The following PCSK5 variants were observed in gnomAD, a reference collection of about 807,000 sequenced individuals.
PCSK5 encodes proprotein convertase subtilisin/kexin type 5, also known as prohormone convertase 5.
A neutral mutation model predicts 233.2 loss-of-function variants in PCSK5; 129 were observed. That is an observed-to-expected ratio of 0.55 (90% CI 0.48 to 0.64). PCSK5 has a LOEUF of 0.64. PCSK5 is among the 30% of genes least tolerant of loss of function. The pLI, the probability that PCSK5 is intolerant of heterozygous loss-of-function variation, is 0.00. For missense variants in PCSK5, 2,076 were observed against 2,430.1 expected (o/e 0.85, Z 3.06); for synonymous variants, 825 against 879.2 (o/e 0.94, Z 1.09).
intron 1 of PCSK5, among the ~76,000 whole-genome samples, chr9:75,928,927 A>ATATTTATT (rs71499119): frequency 0.071 from 10,660 of 149,780 alleles, 477 homozygotes; most frequent in African/African-American, 0.11. Context: ...AAGGATTCTG[A>ATATTTATT]TATTTATTTA....
chr9:75,907,698 G>C (rs75102322), intron 1 of PCSK5, among the ~76,000 whole-genome samples: 2,728 of 152,274 alleles, frequency 0.018, 39 homozygotes, highest in South Asian at 0.035. Context: ...TTCTGGCTGT[G>C]ACCATCTCCT....
At chr9:75,975,412 G>C (rs913345203) in intron 2 of PCSK5, among the ~76,000 whole-genome samples, 1 of 152,168 alleles carries the variant, frequency 6.6e-6, no homozygotes. Context: ...GCAAGATGCT[G>C]ACATGCTTTT....
chr9:75,924,755 G>A (rs993028561), intron 1 of PCSK5, among the ~76,000 whole-genome samples: 1 of 152,162 alleles, frequency 6.6e-6, no homozygotes, highest in Admixed American at 6.5e-5. Context: ...TCTGGACAGC[G>A]GTTGAGATCT....
intron 26 of PCSK5, 85 bp downstream of exon 26, chr9:76,295,496 T>G: frequency 7.8e-7 from 1 of 1,282,466 alleles, no homozygotes; most frequent in South Asian, 1.3e-5. Flanking sequence ...CACATGTGAT[T>G]GGTTTCAGAG....
At chr9:76,039,593 T>C (rs1259187651) in intron 5 of PCSK5, among the ~76,000 whole-genome samples, 1 of 152,202 alleles carries the variant, frequency 6.6e-6, no homozygotes, top group African/African-American at 2.4e-5. Context: ...GAGAATGTAC[T>C]AAGCAATAAC....
At chr9:76,233,046 G>A (rs1286184743) in intron 21 of PCSK5, among the ~76,000 whole-genome samples, 2 of 152,242 alleles carry the variant, frequency 1.3e-5, no homozygotes, top group South Asian at 4.1e-4. Flanking sequence ...CCCTTGCAAA[G>A]CATGAGCATG....
intron 1 of PCSK5, among the ~76,000 whole-genome samples, chr9:75,925,225 T>C (rs1277990550): frequency 2.6e-5 from 4 of 152,238 alleles, no homozygotes. Flanking sequence ...ATTTCAGATA[T>C]ATTTTTATTC....
chr9:76,325,368 C>G (rs72743127), intron 32 of PCSK5, among the ~76,000 whole-genome samples: 1 of 152,140 alleles, frequency 6.6e-6, no homozygotes, highest in Non-Finnish European at 1.5e-5. Context: ...TTAATTATCT[C>G]CTTGAGAAAG....
At chr9:76,049,043 G>A (rs774199376) in intron 5 of PCSK5, among the ~76,000 whole-genome samples, 2 of 151,874 alleles carry the variant, frequency 1.3e-5, no homozygotes, top group South Asian at 2.1e-4. Context: ...CAGACTGGAG[G>A]TCAAATCTAC....
At chr9:76,354,323 C>A in intron 37 of PCSK5, 104 bp downstream of exon 37, 2 of 872,892 alleles carry the variant, frequency 2.3e-6, no homozygotes, top group Non-Finnish European at 3.5e-6. Context: ...ATCAATATGG[C>A]TACCTTTTTA....
intron 24 of PCSK5, among the ~76,000 whole-genome samples, chr9:76,281,544 G>C (rs573356171): frequency 1.8e-4 from 28 of 152,290 alleles, no homozygotes; most frequent in African/African-American, 6.3e-4. Flanking sequence ...CAATGTACCT[G>C]GTCACCTAAG....
chr9:75,953,885 C>T (rs1824978624), intron 2 of PCSK5, among the ~76,000 whole-genome samples: 1 of 152,054 alleles, frequency 6.6e-6, no homozygotes, highest in African/African-American at 2.4e-5. Flanking sequence ...TGGCATTTTA[C>T]TTATGAGCCC....
chr9:75,976,017 A>T (rs554959249), intron 2 of PCSK5, among the ~76,000 whole-genome samples: 1 of 152,206 alleles, frequency 6.6e-6, no homozygotes, highest in African/African-American at 2.4e-5. Context: ...GCATTCAGAC[A>T]GTAGAATTTG....
chr9:76,302,009 A>G, intron 27 of PCSK5, 128 bp from the exon 28 acceptor site: 1 of 387,434 alleles, frequency 2.6e-6, no homozygotes, highest in South Asian at 2.0e-5. Flanking sequence ...CAATATGAAG[A>G]TGAGACATCC....
intron 24 of PCSK5, among the ~76,000 whole-genome samples, chr9:76,255,285 T>A (rs558430487): frequency 2.6e-5 from 4 of 151,914 alleles, no homozygotes; most frequent in Admixed American, 2.0e-4. Context: ...AGACTCTCTC[T>A]CAAAAAAATA....
intron 9 of PCSK5, among the ~76,000 whole-genome samples, chr9:76,129,778 A>G (rs1822682190): frequency 6.6e-6 from 1 of 152,188 alleles, no homozygotes; most frequent in Non-Finnish European, 1.5e-5. Context: ...AGCACTACAC[A>G]AAATGTCTCT....
At chr9:76,263,759 C>T (rs1346157343) in intron 24 of PCSK5, among the ~76,000 whole-genome samples, 1 of 151,222 alleles carries the variant, frequency 6.6e-6, no homozygotes, top group African/African-American at 2.4e-5. Flanking sequence ...GCACATGTAC[C>T]CTAAAACTTA....
chr9:75,906,414 A>G (rs1474110469), intron 1 of PCSK5, among the ~76,000 whole-genome samples: 1 of 151,878 alleles, frequency 6.6e-6, no homozygotes, highest in African/African-American at 2.4e-5. Flanking sequence ...TTTAGTAGAG[A>G]TGGGGTTTCT....
intron 1 of PCSK5, among the ~76,000 whole-genome samples, chr9:75,929,460 A>C (rs527978017): frequency 1.3e-5 from 2 of 152,312 alleles, no homozygotes; most frequent in African/African-American, 4.8e-5. Context: ...AGATGGTATA[A>C]TTAATGATGC....
Sources: allele counts gnomAD v4.1 joint callset (sites outside exome capture counted in the v4.1 genomes callset), GRCh38; gene constraint gnomAD v4.1.1; transcripts MANE v1.5; gene names NCBI Gene and HGNC (gene_info 2026-07-23, HGNC 2026-07-21).